The following HSD17B4 variants were observed in gnomAD, a reference collection of about 807,000 sequenced individuals.
HSD17B4 encodes hydroxysteroid 17-beta dehydrogenase 4.
A neutral mutation model predicts 101.0 loss-of-function variants in HSD17B4; 70 were observed. The ratio of observed to expected loss-of-function variants is 0.69; its 90% CI spans 0.57 to 0.85. The LOEUF (loss-of-function observed/expected upper bound fraction) is 0.85. Ranked by LOEUF, HSD17B4 falls within the 40% of genes least tolerant of loss-of-function variation. The probability of loss-of-function intolerance (pLI) is 0.00; values close to 1 mark genes in which losing one functional copy is unlikely to be tolerated. For synonymous variants in HSD17B4, 347 were observed against 297.1 expected (o/e 1.17, Z -1.73); for missense variants, 984 against 892.4 (o/e 1.10, Z -1.31).
At chr5:119,519,440 A>G (rs1240261926) in intron 17 of HSD17B4, among the ~76,000 whole-genome samples, 17 of 152,246 alleles carry the variant, frequency 1.1e-4, no homozygotes, top group Admixed American at 1.1e-3. Flanking sequence ...GAAAACAGAC[A>G]TAGGCTCAAA....
intron 15 of HSD17B4, 36 bp downstream of exon 15, chr5:119,506,925 G>T: frequency 9.3e-7 from 1 of 1,073,078 alleles, no homozygotes; most frequent in Non-Finnish European, 1.4e-6. Context: ...AATATTGTTA[G>T]ATTGATAGGC....
At chr5:119,518,233 C>A (rs976715878) in intron 17 of HSD17B4, among the ~76,000 whole-genome samples, 2 of 151,958 alleles carry the variant, frequency 1.3e-5, no homozygotes, top group African/African-American at 4.8e-5. Context: ...CCGGGAGGAA[C>A]GAACAACTCC....
intron 16 of HSD17B4, among the ~76,000 whole-genome samples, chr5:119,513,099 AC>A (rs1752316893): frequency 6.6e-6 from 1 of 152,238 alleles, no homozygotes; most frequent in African/African-American, 2.4e-5. Context: ...TGAAAAAATT[AC>A]CTTGACAGGT....
intron 17 of HSD17B4, among the ~76,000 whole-genome samples, chr5:119,519,296 A>G (rs1580680135): frequency 6.6e-6 from 1 of 152,376 alleles, no homozygotes; most frequent in Admixed American, 6.5e-5. Flanking sequence ...GAAAATGAGA[A>G]CAAATATCCA....
At chr5:119,467,880 T>C (rs1249917466) in intron 2 of HSD17B4, among the ~76,000 whole-genome samples, 3 of 152,218 alleles carry the variant, frequency 2.0e-5, no homozygotes, top group African/African-American at 7.2e-5. Context: ...TCTATTTGTA[T>C]AGAATATCTT....
chr5:119,465,352 A>G (rs977181162), intron 2 of HSD17B4, among the ~76,000 whole-genome samples: 1 of 152,200 alleles, frequency 6.6e-6, no homozygotes, highest in Non-Finnish European at 1.5e-5. Context: ...ACACCAACCC[A>G]TTGGTGATAA....
intron 19 of HSD17B4, among the ~76,000 whole-genome samples, chr5:119,526,315 A>C (rs1753597076): frequency 7.2e-6 from 1 of 139,144 alleles, no homozygotes; most frequent in African/African-American, 2.7e-5. Flanking sequence ...TATGCCTTGA[A>C]AACTCAAGAT....
chr5:119,516,969 T>C (rs1752665477), intron 17 of HSD17B4, among the ~76,000 whole-genome samples: 1 of 152,250 alleles, frequency 6.6e-6, no homozygotes, highest in Non-Finnish European at 1.5e-5. Flanking sequence ...TCGCTCGCTC[T>C]CGGCGCCTCC....
intron 7 of HSD17B4, 178 bp downstream of exon 7, chr5:119,477,679 G>C (rs1748718267): frequency 3.2e-6 from 2 of 616,214 alleles, no homozygotes; most frequent in Admixed American, 5.3e-5. Flanking sequence ...TTTAGTCACA[G>C]ATTGGCTGAG....
intron 23 of HSD17B4, among the ~76,000 whole-genome samples, chr5:119,541,311 G>C (rs561779195): frequency 4.3e-4 from 65 of 152,246 alleles, no homozygotes; most frequent in African/African-American, 1.5e-3. Context: ...GTGTTATTTA[G>C]GGACTGTTGT....
intron 6 of HSD17B4, 103 bp from the exon 7 acceptor site, chr5:119,477,314 T>C: frequency 3.7e-6 from 3 of 807,760 alleles, no homozygotes; most frequent in Non-Finnish European, 6.2e-6. Context: ...ATACATTAGG[T>C]ATAAAATGAA....
At chr5:119,486,226 A>G (rs1463409600) in intron 8 of HSD17B4, among the ~76,000 whole-genome samples, 1 of 152,164 alleles carries the variant, frequency 6.6e-6, no homozygotes, top group Non-Finnish European at 1.5e-5. Context: ...GAAGAGATGT[A>G]CCATCACGTT....
intron 9 of HSD17B4, among the ~76,000 whole-genome samples, chr5:119,490,848 G>T (rs1018418153): frequency 1.3e-5 from 2 of 152,274 alleles, no homozygotes; most frequent in East Asian, 3.9e-4. Context: ...GATTATAGGC[G>T]TGAGCTACCG....
intron 2 of HSD17B4, among the ~76,000 whole-genome samples, chr5:119,459,915 G>A (rs1348573175): frequency 6.7e-6 from 1 of 148,806 alleles, no homozygotes; most frequent in African/African-American, 2.5e-5. Context: ...CTTTTGCCCA[G>A]GCCGGACTGC....
intron 19 of HSD17B4, 71 bp from the exon 20 acceptor site, chr5:119,527,062 C>T (rs1380518419): frequency 4.6e-5 from 41 of 894,668 alleles, no homozygotes; most frequent in Non-Finnish European, 6.9e-5. Flanking sequence ...GTTTCCTTTC[C>T]AATTTTTTCC....
Position 119,477,495 on chromosome 5 carries a change from A to G in HSD17B4, c.428A>G (p.Tyr143Cys), listed in dbSNP as rs376804180. ...TGGGAACACATGAAGAAACAGAAGT[A>G]TGGAAGGTAGAGTTGCATGTGGTTG... ...AAWEHMKKQK[Y>C]GRIIMTSSAS... The change falls in exon 7 of 24, where the codon TAT (tyrosine) becomes TGT (cysteine). Residue 143 changes from tyrosine to cysteine, a missense_variant. Transcript: ENST00000510025. The G allele has an allele frequency of 1.2e-5, 19 of 1,610,830 alleles. No individual in the cohort carries two copies. The highest frequency in any genetic ancestry group is 1.5e-5 in the Non-Finnish European group (18 of 1,177,264).
intron 19 of HSD17B4, among the ~76,000 whole-genome samples, chr5:119,526,749 A>G (rs1288471952): frequency 6.6e-6 from 1 of 151,938 alleles, no homozygotes; most frequent in East Asian, 1.9e-4. Context: ...AAAAAGTGGA[A>G]TTATTTTGCC....
chr5:119,481,813 A>G (rs909084374), intron 8 of HSD17B4, among the ~76,000 whole-genome samples: 19 of 152,186 alleles, frequency 1.2e-4, no homozygotes, highest in African/African-American at 4.6e-4. Context: ...TAATAAAATG[A>G]GATATGCCTG....
At chr5:119,494,948 T>G (rs1750493462) in intron 11 of HSD17B4, among the ~76,000 whole-genome samples, 1 of 152,152 alleles carries the variant, frequency 6.6e-6, no homozygotes, top group Admixed American at 6.5e-5. Flanking sequence ...AGATCATGAG[T>G]CAGGGTCATT....
Sources: gnomAD v4.1 joint callset for allele counts (sites outside exome capture counted in the v4.1 genomes callset) on GRCh38, gnomAD v4.1.1 for gene constraint, MANE v1.5 for transcripts, NCBI Gene and HGNC (gene_info 2026-07-23, HGNC 2026-07-21) for gene names.